The following SSH1 variants were observed in gnomAD, a reference collection of about 807,000 sequenced individuals.
SSH1 encodes protein phosphatase Slingshot homolog 1.
In SSH1, 43 loss-of-function variants were observed where a neutral mutation model predicts 79.7. The ratio of observed to expected loss-of-function variants is 0.54; its 90% confidence interval spans 0.42 to 0.70. SSH1 has a LOEUF of 0.70. Ranked by LOEUF, SSH1 falls within the 30% of genes least tolerant of loss-of-function variation. SSH1 has a pLI of 0.00. For synonymous variants in SSH1, 599 were observed against 538.3 expected, an observed-to-expected ratio of 1.11 and a Z score of -1.56; for missense variants, 1,206 against 1,358.8, an observed-to-expected ratio of 0.89 and a Z score of 1.77.
rs147144616 is a variant in SSH1 at position 108,823,293 on chromosome 12, C to T, written c.179G>A (p.Gly60Asp). The T allele has an allele frequency of 2.6e-5, 42 of 1,590,244 alleles. No individual in the cohort carries two copies. In the East Asian group the frequency reaches 9.2e-4, roughly 35 times the overall value. Residue 60 changes from glycine (G) to aspartate (D), a missense_variant, in exon 3 of 15, where the codon GGC becomes GAC. Around this residue, in one of 5 missense-constraint regions of SSH1, gnomAD observed 100 missense variants for 82.3 expected, o/e 1.21. Coordinates refer to ENST00000326495, the MANE Select transcript of SSH1 (RefSeq NM_018984.4). ...LFLQQGSSPQGQRSLQHPHKH... is the reference protein window; with the variant it reads ...LFLQQGSSPQDQRSLQHPHKH... ...GTGGGGGTGCTGAAGACTCCGCTGG[C>T]CTTGAGGGCTGCTTCCCTGTTGTAA...
chr12:108,818,340 A>G (rs1172943604), intron 3 of SSH1, 27 bp from the exon 4 acceptor site: 1 of 1,608,788 alleles, frequency 6.2e-7, no homozygotes, highest in Non-Finnish European at 8.5e-7. Context: ...GAAAGCTTTA[A>G]AAGGTCTCTT....
intron 2 of SSH1, among the ~76,000 whole-genome samples, chr12:108,831,147 G>C (rs149541736): frequency 2.0e-5 from 3 of 152,316 alleles, no homozygotes; most frequent in East Asian, 3.9e-4. Context: ...TGAGCCTGAA[G>C]AAGAGGCCCT....
At position 108,788,097 on chromosome 12, in the gene SSH1, A is replaced by G; in HGVS notation, c.3041T>C (p.Phe1014Ser). ...SQDTTLSESS[F>S]LHEPQGTPRD... The stretch of plus-strand genomic sequence containing the variant: ...CGGGGTTCCCTGGGGCTCATGCAAG[A>G]AGGAAGATTCACTCAAAGTGGTGTC... Residue 1014 changes from phenylalanine (F) to serine (S), a missense_variant, in exon 15 of 15, where the codon TTC becomes TCC. Transcript: ENST00000326495. 1 of 1,613,938 alleles carries G rather than the reference A, an allele frequency of 6.2e-7. No homozygotes were observed. Among genetic ancestry groups the G allele is most frequent in the Non-Finnish European group, 8.5e-7 (1 of 1,179,908 alleles).
Position 108,825,264 on chromosome 12 carries a change from T to C in SSH1, c.111-1903A>G, listed in dbSNP as rs181103051. Among the ~76,000 whole-genome samples the C allele has an allele frequency of 2.6e-5, 4 of 152,342 alleles. No homozygotes were observed. The East Asian group carries it at 7.7e-4, about 29-fold the overall frequency. ...TCAATTCCTGACAGAAAGACGAAGA[T>C]GTTTTCTGTAATACAAGAAAGCAAG... On this transcript the variant is annotated intron_variant, in intron 2 of 14. Coordinates refer to ENST00000326495, the MANE Select transcript of SSH1 (RefSeq NM_018984.4).
intron 9 of SSH1, 21 bp from the exon 10 acceptor site, chr12:108,805,205 G>C (rs768773555): frequency 1.9e-6 from 3 of 1,604,958 alleles, no homozygotes; most frequent in South Asian, 2.2e-5. Flanking sequence ...GAAAATATTA[G>C]GAAAAGTGAT....
Position 108,811,296 on chromosome 12 carries a change from A to G in SSH1, c.434T>C (p.Leu145Pro), listed in dbSNP as rs772120577. The change falls in exon 6 of 15, where the codon CTG (leucine) becomes CCG (proline). Residue 145 changes from leucine to proline, a missense_variant. Physicochemically the swap from Leu to Pro is moderately conservative, Grantham distance 98. Transcript: ENST00000326495. ...KSCTIGMVLRLWSDTKIHLDG... is the reference protein window; with the variant it reads ...KSCTIGMVLRPWSDTKIHLDG... ...AAGGTGGATTTTCGTGTCGCTCCAC[A>G]GTCGGAGAACCATCCCAATGGTGCA... The G allele has an allele frequency of 6.8e-6, 11 of 1,614,074 alleles. No homozygotes were observed.
At chr12:108,794,654 G>A (rs1299212921) in intron 13 of SSH1, among the ~76,000 whole-genome samples, 1 of 152,124 alleles carries the variant, frequency 6.6e-6, no homozygotes, top group Non-Finnish European at 1.5e-5. Context: ...AAGCCAAAGG[G>A]AAAAGTCAAG....
At chr12:108,850,995 C>G (rs570705792) in intron 2 of SSH1, among the ~76,000 whole-genome samples, 2 of 152,148 alleles carry the variant, frequency 1.3e-5, no homozygotes, top group East Asian at 1.9e-4. Context: ...TCCACCCAGA[C>G]AGTCTGATCT....
chr12:108,788,057 T>G lies in SSH1; in HGVS notation c.3081A>C (p.Ala1027=). 1 of 1,614,126 alleles carries G rather than the reference T, an allele frequency of 6.2e-7. No individual in the cohort carries two copies. Among genetic ancestry groups the G allele is most frequent in the Non-Finnish European group, 8.5e-7 (1 of 1,180,022 alleles). The change falls in exon 15 of 15, where the codon GCA becomes GCC. Residue 1027 remains alanine, a synonymous_variant. Transcript: ENST00000326495. ...CGGGTTTCCCTGATGGTTTGGAGGT[T>G]GCAGCTGGGTCCCTCGGGGTTCCCT... The part of the protein sequence containing the change: ...EPQGTPRDPA[A]TSKPSGKPAP...
intron 2 of SSH1, among the ~76,000 whole-genome samples, chr12:108,846,316 C>T (rs901245176): frequency 6.6e-6 from 1 of 152,020 alleles, no homozygotes; most frequent in African/African-American, 2.4e-5. Flanking sequence ...AAAAACTTCA[C>T]TCCTGATCCA....
In SSH1 at chr12:108,792,546, C is replaced by T; in HGVS notation, c.1633G>A (p.Ala545Thr). The change falls in exon 14 of 15, where the codon GCT (alanine) becomes ACT (threonine). Residue 545 changes from alanine (A) to threonine (T), a missense_variant. By Grantham distance (58) the Ala-to-Thr change is moderately conservative. Transcript: ENST00000326495. ...GGCCTGTGCACCTCTGCAGGTGGAG[C>T]AGCTTCCTCCAACAGAGCCTCCCTC... is the stretch of plus-strand genomic sequence containing the variant. The part of the protein sequence containing the change: ...PEREALLEEA[A>T]PPAEVHRPAR... The T allele has an allele frequency of 6.2e-7, 1 of 1,614,116 alleles. No homozygotes were observed. Among genetic ancestry groups the T allele is most frequent in the Non-Finnish European group, 8.5e-7 (1 of 1,180,002 alleles).
At chr12:108,843,573 C>T (rs1367878018) in intron 2 of SSH1, among the ~76,000 whole-genome samples, 1 of 152,134 alleles carries the variant, frequency 6.6e-6, no homozygotes, top group African/African-American at 2.4e-5. Context: ...CTCACTCTGT[C>T]GCCCAGGGTG....
rs1397304860 is a variant in SSH1, at chr12:108,853,111, T to C, written c.70-433A>G. The stretch of plus-strand genomic sequence containing the variant: ...TAACAGCTGAGTGATGAACACCATT[T>C]TCAAAAAACCAACCCAGGCAAGACT... On this transcript the variant is annotated intron_variant, in intron 1 of 14. Coordinates refer to ENST00000326495, the MANE Select transcript of SSH1 (RefSeq NM_018984.4). 18 of 985,238 alleles carry C rather than the reference T, an allele frequency of 1.8e-5. No individual in the cohort carries two copies. In the East Asian group the frequency reaches 1.9e-3, roughly 105 times the overall value. The allele number at this position is 985,238 out of a possible 1,614,324, so 61.0% of individuals were successfully genotyped here.
In SSH1 at chr12:108,792,771, C is replaced by T. The variant is rs745694674; in HGVS notation, c.1408G>A (p.Val470Met). 3 of 1,613,852 alleles carry T rather than the reference C, an allele frequency of 1.9e-6. No individual in the cohort carries two copies. In the East Asian group the frequency reaches 6.7e-5, roughly 36 times the overall value. The stretch of plus-strand genomic sequence containing the variant: ...TCGCCAGGTCCTGCAGGGTCATCCA[C>T]AGGCTGCTGGAGGCTGCTGTCTGTC... ...QQTDSSLQQP[V>M]DDPAGPGDFL... is the part of the protein sequence containing the mutation. The change falls in exon 14 of 15, where the codon GTG becomes ATG. Residue 470 changes from valine to methionine, a missense_variant. Val to Met is a conservative substitution (Grantham distance 21). This residue lies in a region of SSH1 where 166 missense variants were observed against 262.9 expected (regional missense o/e 0.63). Coordinates refer to ENST00000326495, the MANE Select transcript of SSH1 (RefSeq NM_018984.4).
chr12:108,823,471 G>A (rs930079169), intron 2 of SSH1, 110 bp from the exon 3 acceptor site: 10 of 858,004 alleles, frequency 1.2e-5, no homozygotes, highest in Non-Finnish European at 1.9e-5. Flanking sequence ...CATGTAAAAT[G>A]CAAATAGGAT....
At chr12:108,804,224 A>G (rs1359403094) in intron 10 of SSH1, among the ~76,000 whole-genome samples, 2 of 152,148 alleles carry the variant, frequency 1.3e-5, no homozygotes, top group African/African-American at 4.8e-5. Flanking sequence ...CCCAGTTTGT[A>G]TTTCATTTAA....
At chr12:108,846,165 C>T (rs1314273811) in intron 2 of SSH1, among the ~76,000 whole-genome samples, 1 of 152,124 alleles carries the variant, frequency 6.6e-6, no homozygotes, top group Non-Finnish European at 1.5e-5. Context: ...CCACTGAAAC[C>T]AAATAAAACA....
chr12:108,835,825 T>C (rs1302129541), intron 2 of SSH1, among the ~76,000 whole-genome samples: 1 of 145,544 alleles, frequency 6.9e-6, no homozygotes, highest in Non-Finnish European at 1.5e-5. Flanking sequence ...TTAATGTTAA[T>C]ATTAATATTT....
intron 2 of SSH1, among the ~76,000 whole-genome samples, chr12:108,840,871 T>C (rs2038759968): frequency 6.6e-6 from 1 of 152,168 alleles, no homozygotes; most frequent in Non-Finnish European, 1.5e-5. Context: ...CCCGGCTGGT[T>C]TTCTCCACTG....
Sources: allele counts gnomAD v4.1 joint callset (sites outside exome capture counted in the v4.1 genomes callset), GRCh38; gene constraint gnomAD v4.1.1; regional missense constraint gnomAD v4.1.1; transcripts MANE v1.5; gene names NCBI Gene and HGNC (gene_info 2026-07-23, HGNC 2026-07-21).